HERPUD2: variants seen among roughly 807,000 people sequenced by gnomAD.
The protein encoded by HERPUD2 is HERPUD family member 2.
In HERPUD2, 13 loss-of-function variants were observed where a neutral mutation model predicts 49.9. The observed-to-expected ratio is 0.26, with a 90% confidence interval of 0.17 to 0.41. The LOEUF is 0.41. HERPUD2 is among the 10% of genes least tolerant of loss of function. HERPUD2 has a pLI of 1.00. For missense variants in HERPUD2, 449 were observed against 492.2 expected (o/e 0.91, Z 0.83); for synonymous variants, 172 against 171.4 (o/e 1.00, Z -0.03).
chr7:35,659,164 T>C (rs1785353825), intron 5 of HERPUD2, among the ~76,000 whole-genome samples: 1 of 152,214 alleles, frequency 6.6e-6, no homozygotes, highest in Admixed American at 6.5e-5. Flanking sequence ...GGTCACTAAA[T>C]TACTGCTCTT....
At chr7:35,660,379 T>C (rs1218005675) in intron 5 of HERPUD2, among the ~76,000 whole-genome samples, 1 of 152,232 alleles carries the variant, frequency 6.6e-6, no homozygotes, top group Admixed American at 6.5e-5. Context: ...TTATAATCAT[T>C]TGGGTATATG....
chr7:35,679,279 T>C (rs931118842), intron 2 of HERPUD2, among the ~76,000 whole-genome samples: 4 of 152,170 alleles, frequency 2.6e-5, no homozygotes, highest in African/African-American at 9.7e-5. Context: ...TACAAATAAT[T>C]ATTAAATTTA....
chr7:35,662,884 A>T lies in HERPUD2; in HGVS notation c.494+4550T>A, dbSNP rs563775601. 5.9e-5 allele frequency among the ~76,000 whole-genome samples: 9 copies of T among 152,006 alleles called. No individual in the cohort carries two copies. In the East Asian group the frequency reaches 1.7e-3, roughly 29 times the overall value. ...GTCTATCTCCTTCAGTTCTGCTCTG[A>T]TCTTAGTTATTTCTTGCCTTCTGCC... On this transcript the variant is annotated intron_variant, in intron 5 of 8. Coordinates refer to ENST00000311350, the MANE Select transcript of HERPUD2 (RefSeq NM_022373.5).
At chr7:35,671,676 T>TA (rs577267144) in intron 3 of HERPUD2, among the ~76,000 whole-genome samples, 223 of 152,168 alleles carry the variant, frequency 1.5e-3, no homozygotes, top group Non-Finnish European at 2.7e-3. Flanking sequence ...TTGACTTTAA[T>TA]AAAAACAGTT....
chr7:35,661,584 G>A (rs574364997), intron 5 of HERPUD2, among the ~76,000 whole-genome samples: 35 of 152,144 alleles, frequency 2.3e-4, no homozygotes, highest in Admixed American at 1.8e-3. Context: ...TGAAGAGGTC[G>A]TTCACATCCC....
At chr7:35,653,480 G>A (rs751951396) in intron 5 of HERPUD2, among the ~76,000 whole-genome samples, 4 of 152,074 alleles carry the variant, frequency 2.6e-5, no homozygotes, top group Admixed American at 6.5e-5. Flanking sequence ...AAGTGCTAGG[G>A]ACATCAACAC....
At chr7:35,646,976 A>G (rs1177748185) in intron 5 of HERPUD2, among the ~76,000 whole-genome samples, 2 of 145,010 alleles carry the variant, frequency 1.4e-5, no homozygotes, top group Non-Finnish European at 3.1e-5. Context: ...AGAAATTATG[A>G]AAAAAAAACC....
intron 2 of HERPUD2, among the ~76,000 whole-genome samples, chr7:35,676,747 TTC>T (rs1470487465): frequency 3.3e-5 from 5 of 152,250 alleles, no homozygotes; most frequent in South Asian, 4.1e-4. Flanking sequence ...TATTTGTATC[TTC>T]TCTCACCCTG....
chr7:35,684,883 A>G (rs1456978055), intron 2 of HERPUD2, among the ~76,000 whole-genome samples: 1 of 152,246 alleles, frequency 6.6e-6, no homozygotes, highest in East Asian at 1.9e-4. Context: ...CTGTTACCCA[A>G]TAACCTATGG....
chr7:35,678,425 G>A (rs543465221), intron 2 of HERPUD2, among the ~76,000 whole-genome samples: 17 of 151,852 alleles, frequency 1.1e-4, no homozygotes, highest in South Asian at 4.2e-4. Context: ...CTCAGCCTTC[G>A]GAGTAGCTGG....
chr7:35,675,968 C>T (rs1463837202), intron 2 of HERPUD2, among the ~76,000 whole-genome samples: 1 of 152,126 alleles, frequency 6.6e-6, no homozygotes, highest in African/African-American at 2.4e-5. Flanking sequence ...CAATATTACA[C>T]ATCATTTCTC....
chr7:35,655,035 A>ACTC (rs1160896241), intron 5 of HERPUD2, among the ~76,000 whole-genome samples: 1 of 152,124 alleles, frequency 6.6e-6, no homozygotes, highest in Non-Finnish European at 1.5e-5. Context: ...TTGCATTAGT[A>ACTC]GAGACAGGGT....
At chr7:35,634,049 C>T (rs890357688) in intron 8 of HERPUD2, among the ~76,000 whole-genome samples, 198 bp from the exon 9 acceptor site, 3 of 152,136 alleles carry the variant, frequency 2.0e-5, no homozygotes, top group Admixed American at 6.5e-5. Flanking sequence ...ACAATAAATT[C>T]TTACCATGTG....
At position 35,685,960 on chromosome 7, in the gene HERPUD2, C is replaced by CAAAA. The variant is rs70974762; in HGVS notation, c.147+8223_147+8224insTTTT. On this transcript the variant is annotated intron_variant, in intron 2 of 8. Coordinates refer to ENST00000311350, the MANE Select transcript of HERPUD2 (RefSeq NM_022373.5). ...TGGACAACAGAGCGAGACCCTGTCTCTAAATAAATAAATAAATAAATAAAT... is the reference window on the plus strand; with the variant it reads ...TGGACAACAGAGCGAGACCCTGTCTCAAAATAAATAAATAAATAAATAAATAAAT... Among the ~76,000 whole-genome samples, 1,051 of 148,030 alleles carry CAAAA rather than the reference C, an allele frequency of 7.1e-3. 10 individuals are homozygous for CAAAA. Among genetic ancestry groups the CAAAA allele is most frequent in the African/African-American group, 0.014 (548 of 40,188 alleles).
intron 2 of HERPUD2, among the ~76,000 whole-genome samples, chr7:35,686,820 G>T (rs1380837225): frequency 1.7e-4 from 3 of 17,260 alleles, no homozygotes; most frequent in Admixed American, 3.8e-4. Context: ...GGGGGGGGGG[G>T]GTGGGGGGGT....
At position 35,633,594 on chromosome 7, in the gene HERPUD2, A is replaced by T; in HGVS notation, c.*96T>A. 1 of 1,134,284 alleles carries T rather than the reference A, an allele frequency of 8.8e-7. No homozygotes were observed. The highest frequency in any genetic ancestry group is 1.3e-6 in the Non-Finnish European group (1 of 795,332). 70.3% of individuals were successfully genotyped at this position (1,134,284 alleles called of 1,614,324 possible). ...AAAAAAAACACCTCTGTACATGATG[A>T]TCAAAAGAAAGTTATAAATTTTTTT... On this transcript the variant is annotated 3_prime_UTR_variant, in exon 9 of 9. Transcript: ENST00000311350.
intron 5 of HERPUD2, among the ~76,000 whole-genome samples, chr7:35,639,869 C>T (rs752918192): frequency 1.2e-4 from 18 of 152,154 alleles, no homozygotes; most frequent in Non-Finnish European, 2.5e-4. Flanking sequence ...TTTCCTTATT[C>T]TTGATGGAGC....
chr7:35,680,234 C>A (rs1374497005), intron 2 of HERPUD2, among the ~76,000 whole-genome samples: 1 of 152,016 alleles, frequency 6.6e-6, no homozygotes, highest in East Asian at 1.9e-4. Flanking sequence ...TAGCAAGACT[C>A]CATCTCCTCA....
chr7:35,633,510 C>T lies in HERPUD2; in HGVS notation c.*180G>A, dbSNP rs540960023. On this transcript the variant is annotated 3_prime_UTR_variant, in exon 9 of 9. Coordinates refer to ENST00000311350, the MANE Select transcript of HERPUD2 (RefSeq NM_022373.5). ...GATCTTTAAAAAAAAAAAAAAAAAA[C>T]TCAGATATTTAGTAGTCCATTCGTG... The T allele has an allele frequency of 7.3e-4, 214 of 293,692 alleles. 1 individual carries two copies. The highest frequency in any genetic ancestry group is 5.5e-3 in the South Asian group (80 of 14,426). 18.2% of individuals were successfully genotyped at this position (293,692 alleles called of 1,614,324 possible).
Sources: gnomAD v4.1 joint callset for allele counts (sites outside exome capture counted in the v4.1 genomes callset) on GRCh38, gnomAD v4.1.1 for gene constraint, MANE v1.5 for transcripts, NCBI Gene and HGNC (gene_info 2026-07-23, HGNC 2026-07-21) for gene names.